Variants in ZEB1 observed in about 807,000 individuals in gnomAD.
ZEB1 encodes zinc finger E-box binding homeobox 1, also known as zinc finger E-box-binding homeobox 1.
A neutral mutation model predicts 84.9 loss-of-function variants in ZEB1; 21 were observed. The ratio of observed to expected loss-of-function variants is 0.25; its 90% CI spans 0.18 to 0.36. The LOEUF is 0.36. Ranked by LOEUF, ZEB1 falls within the 10% of genes least tolerant of loss-of-function variation. The pLI is 1.00. For synonymous variants in ZEB1, 420 were observed against 471.1 expected (o/e 0.89, Z 1.41); for missense variants, 1,104 against 1,330.2 (o/e 0.83, Z 2.65).
intron 3 of ZEB1, 57 bp downstream of exon 3, chr10:31,495,895 A>G: frequency 6.3e-7 from 1 of 1,590,654 alleles, no homozygotes; most frequent in Non-Finnish European, 8.6e-7. Flanking sequence ...TCTTTGTGTC[A>G]CTGATTTCGC....
At chr10:31,439,351 G>A (rs752347748) in intron 1 of ZEB1, among the ~76,000 whole-genome samples, 1 of 152,178 alleles carries the variant, frequency 6.6e-6, no homozygotes, top group Non-Finnish European at 1.5e-5. Context: ...CCAAGAAATT[G>A]TTAGATCAAC....
chr10:31,376,439 G>A (rs1329767365), intron 1 of ZEB1, among the ~76,000 whole-genome samples: 2 of 151,782 alleles, frequency 1.3e-5, no homozygotes, highest in African/African-American at 4.8e-5. Context: ...AGAAACTGCT[G>A]TGGAAAGATC....
At chr10:31,384,798 A>G (rs1462287967) in intron 1 of ZEB1, among the ~76,000 whole-genome samples, 2 of 152,180 alleles carry the variant, frequency 1.3e-5, no homozygotes, top group Non-Finnish European at 2.9e-5. Context: ...TCCTCTGTCT[A>G]GGGAGTTTGT....
At chr10:31,410,697 A>C (rs1457770345) in intron 1 of ZEB1, among the ~76,000 whole-genome samples, 2 of 152,270 alleles carry the variant, frequency 1.3e-5, no homozygotes, top group East Asian at 1.9e-4. Flanking sequence ...TTATTGGTCT[A>C]TTCAGGGATT....
At chr10:31,368,068 G>C (rs2044897808) in intron 1 of ZEB1, among the ~76,000 whole-genome samples, 1 of 151,794 alleles carries the variant, frequency 6.6e-6, no homozygotes, top group South Asian at 2.1e-4. Flanking sequence ...TCAGGTGGTT[G>C]GTGCCAGGAC....
intron 1 of ZEB1, among the ~76,000 whole-genome samples, chr10:31,336,654 C>A (rs1033103117): frequency 3.3e-5 from 5 of 152,068 alleles, no homozygotes; most frequent in African/African-American, 1.2e-4. Context: ...GATGAACAAT[C>A]TGATAGAAAA....
chr10:31,468,656 G>A (rs2062750232), intron 2 of ZEB1, among the ~76,000 whole-genome samples: 1 of 152,108 alleles, frequency 6.6e-6, no homozygotes, highest in South Asian at 2.1e-4. Flanking sequence ...ACTACACTAA[G>A]GCTATCTGTA....
chr10:31,430,617 A>G (rs2057596443), intron 1 of ZEB1, among the ~76,000 whole-genome samples: 1 of 152,240 alleles, frequency 6.6e-6, no homozygotes. Context: ...TTTAATAAAA[A>G]TAATTTCTAC....
intron 3 of ZEB1, among the ~76,000 whole-genome samples, chr10:31,498,322 T>G (rs2067576592): frequency 6.6e-6 from 1 of 152,064 alleles, no homozygotes; most frequent in Non-Finnish European, 1.5e-5. Context: ...ATTTTATACC[T>G]GACACCTAAT....
upstream of ZEB1, chr10:31,318,987 C>CT: frequency 1.8e-6 from 1 of 560,884 alleles, no homozygotes; most frequent in South Asian, 1.9e-5. Flanking sequence ...CTGAGGAAAA[C>CT]TTTTCCCTCG....
intron 2 of ZEB1, among the ~76,000 whole-genome samples, chr10:31,476,909 C>G (rs2064289257): frequency 6.6e-6 from 1 of 151,932 alleles, no homozygotes; most frequent in Admixed American, 6.6e-5. Flanking sequence ...AGGAACGTAC[C>G]TAAAAATAGT....
chr10:31,474,970 C>G (rs1218675564), intron 2 of ZEB1, among the ~76,000 whole-genome samples: 1 of 149,614 alleles, frequency 6.7e-6, no homozygotes, highest in Admixed American at 6.8e-5. Context: ...AACAAAAAAT[C>G]AAACACCGCA....
intron 4 of ZEB1, among the ~76,000 whole-genome samples, chr10:31,510,050 A>G (rs2139482565): frequency 6.6e-6 from 1 of 152,288 alleles, no homozygotes; most frequent in East Asian, 1.9e-4. Context: ...TTTATGTAGC[A>G]GGCCTAGATC....
chr10:31,487,799 A>G (rs556477553), intron 2 of ZEB1, among the ~76,000 whole-genome samples: 4 of 151,346 alleles, frequency 2.6e-5, no homozygotes, highest in Admixed American at 6.6e-5. Context: ...CTTCCCTTCT[A>G]TTCCTGGTTC....
At chr10:31,429,783 C>T (rs925127645) in intron 1 of ZEB1, among the ~76,000 whole-genome samples, 11 of 138,050 alleles carry the variant, frequency 8.0e-5, no homozygotes, top group African/African-American at 2.8e-4. Context: ...CACTCTTGTC[C>T]CCCAGGCTGG....
chr10:31,508,036 TATG>T (rs1381123060), intron 4 of ZEB1, among the ~76,000 whole-genome samples: 1 of 152,184 alleles, frequency 6.6e-6, no homozygotes, highest in East Asian at 1.9e-4. Context: ...GTAATTTCTG[TATG>T]ATATCTTTCG....
chr10:31,453,361 T>G (rs1198376048), intron 1 of ZEB1, among the ~76,000 whole-genome samples: 1 of 152,208 alleles, frequency 6.6e-6, no homozygotes, highest in Non-Finnish European at 1.5e-5. Flanking sequence ...TACATGGCCC[T>G]ATCCTGCTAT....
chr10:31,527,809 C>A lies in ZEB1; in HGVS notation c.*545C>A, dbSNP rs1179258408. ...ACAGAGAAGTATAATGTAGTTCCAA[C>A]CCGTGCTAACTACCTTTTATAAATT... On this transcript the variant is annotated 3_prime_UTR_variant, in exon 9 of 9. Transcript: ENST00000424869. The A allele has an allele frequency of 6.4e-6, 1 of 156,096 alleles. No individual in the cohort carries two copies. The highest frequency in any genetic ancestry group is 1.4e-5 in the Non-Finnish European group (1 of 70,234). The allele number at this position is 156,096 out of a possible 1,614,324, so 9.7% of individuals were successfully genotyped here.
intron 1 of ZEB1, among the ~76,000 whole-genome samples, chr10:31,392,919 C>T (rs554157755): frequency 4.6e-5 from 7 of 152,140 alleles, no homozygotes; most frequent in South Asian, 2.1e-4. Context: ...ACTGGAGCCT[C>T]GACCTCTGAG....
Sources: gnomAD v4.1 joint callset for allele counts (sites outside exome capture counted in the v4.1 genomes callset) on GRCh38, gnomAD v4.1.1 for gene constraint, MANE v1.5 for transcripts, NCBI Gene and HGNC (gene_info 2026-07-23, HGNC 2026-07-21) for gene names.